The following CEP68 variants were observed in gnomAD, a reference collection of about 807,000 sequenced individuals.
CEP68 encodes centrosomal protein of 68 kDa.
In CEP68, 26 loss-of-function variants were observed where a neutral mutation model predicts 55.3. The ratio of observed to expected loss-of-function variants is 0.47; its 90% confidence interval spans 0.34 to 0.65. The LOEUF is 0.65. Among genes scored for constraint, CEP68 ranks in the 30% least tolerant of loss-of-function variants. The pLI, the probability that CEP68 is intolerant of heterozygous loss-of-function variation, is 0.01. For synonymous variants in CEP68, 402 were observed against 383.2 expected (o/e 1.05, Z -0.57); for missense variants, 957 against 946.7 (o/e 1.01, Z -0.14).
chr2:65,072,370 T>C lies in CEP68; in HGVS notation c.1274T>C (p.Leu425Pro). 1.2e-6 allele frequency: 2 copies of C among 1,613,852 alleles called. No homozygotes were observed. Among genetic ancestry groups the C allele is most frequent in the African/African-American group, 1.3e-5 (1 of 75,024 alleles). Reference protein sequence around the residue: ...EPALRGAKDRLTIGKHLDMGS... With the variant: ...EPALRGAKDRPTIGKHLDMGS... ...GCCCTGAGGGGTGCGAAGGACCGGCTGACTATAGGCAAGCACCTTGATATG... is the reference window on the plus strand; with the variant it reads ...GCCCTGAGGGGTGCGAAGGACCGGCCGACTATAGGCAAGCACCTTGATATG... The change falls in exon 3 of 7, where the codon CTG (leucine) becomes CCG (proline). Residue 425 changes from leucine (L) to proline (P), a missense_variant. By Grantham distance (98) the Leu-to-Pro change is moderately conservative. Transcript: ENST00000377990.
chr2:65,081,088 G>A (rs918426474), intron 5 of CEP68, among the ~76,000 whole-genome samples: 8 of 152,024 alleles, frequency 5.3e-5, no homozygotes. Flanking sequence ...GTGGGCGCCA[G>A]TAATTCCAAC....
Position 65,071,718 on chromosome 2 carries a change from C to G in CEP68, c.622C>G (p.Gln208Glu). Residue 208 changes from glutamine (Q) to glutamate (E), a missense_variant, in exon 3 of 7, where the codon CAG (glutamine) becomes GAG (glutamate). Physicochemically the swap from Gln to Glu is conservative, Grantham distance 29. Coordinates refer to ENST00000377990, the MANE Select transcript of CEP68 (RefSeq NM_015147.3). ...ISASSTGSSL[Q>E]GHQERAEPRG... Reference sequence around the variant, plus strand: ...TGCTTCCTCCACAGGCAGCAGTCTCCAGGGTCACCAGGAGAGGGCGGAGCC... The same window carrying G: ...TGCTTCCTCCACAGGCAGCAGTCTCGAGGGTCACCAGGAGAGGGCGGAGCC... 1 of 1,614,106 alleles carries G rather than the reference C, an allele frequency of 6.2e-7. No homozygotes were observed. The highest frequency in any genetic ancestry group is 8.5e-7 in the Non-Finnish European group (1 of 1,180,040).
Position 65,072,440 on chromosome 2 carries a change from C to T in CEP68, c.1344C>T (p.Pro448=), listed in dbSNP as rs762840356. The change falls in exon 3 of 7, where the codon CCC becomes CCT. Residue 448 remains proline, a synonymous_variant. Coordinates refer to ENST00000377990, the MANE Select transcript of CEP68 (RefSeq NM_015147.3). ...LRTRDRGWPS[P]RPEREKRTSQ... ...CACGGGACAGAGGGTGGCCCTCGCC[C>T]AGGCCAGAGAGGGAGAAGAGGACCA... The T allele has an allele frequency of 5.0e-6, 8 of 1,613,956 alleles. No homozygotes were observed. The highest frequency in any genetic ancestry group is 1.7e-5 in the Admixed American group (1 of 60,006).
Position 65,074,296 on chromosome 2 carries a change from G to A in CEP68, c.1899G>A (p.Gln633=). 1 of 1,614,178 alleles carries A rather than the reference G, an allele frequency of 6.2e-7. No homozygotes were observed. The highest frequency in any genetic ancestry group is 8.5e-7 in the Non-Finnish European group (1 of 1,180,006). The change falls in exon 4 of 7, where the codon CAG becomes CAA. Residue 633 remains glutamine, a synonymous_variant. Transcript: ENST00000377990. The stretch of plus-strand genomic sequence containing the variant: ...TGTCTCTGCAGACATTTTGCTGTCA[G>A]CTGGAAGAGCTGATCTGCTGGCTGT... ...LVQCVKTFCC[Q]LEELICWLYN...
Position 65,077,910 on chromosome 2 carries a change from A to T in CEP68, c.2050A>T (p.Ser684Cys), listed in dbSNP as rs905815084. 4 of 1,613,910 alleles carry T rather than the reference A, an allele frequency of 2.5e-6. No homozygotes were observed. Among genetic ancestry groups the T allele is most frequent in the South Asian group, 1.1e-5 (1 of 91,078 alleles). Reference protein sequence around the residue: ...DIDEHQSLTESVLQKGEILLQ... With the variant: ...DIDEHQSLTECVLQKGEILLQ... ...AGATGAACATCAGTCTCTGACGGAG[A>T]GTGTCTTACAGAAGGGGGAGATTCT... Residue 684 changes from serine (S) to cysteine (C), a missense_variant, in exon 5 of 7, where the codon AGT becomes TGT. Ser to Cys is a moderately radical substitution (Grantham distance 112). Transcript: ENST00000377990.
At chr2:65,069,893 T>A in intron 2 of CEP68, 92 bp downstream of exon 2, 1 of 1,146,884 alleles carries the variant, frequency 8.7e-7, no homozygotes, top group Non-Finnish European at 1.3e-6. Flanking sequence ...CTTTCCTTGC[T>A]ACTGTGCAGG....
intron 2 of CEP68, 50 bp downstream of exon 2, chr2:65,069,851 G>C (rs763457802): frequency 6.7e-7 from 1 of 1,490,968 alleles, no homozygotes; most frequent in Non-Finnish European, 9.3e-7. Flanking sequence ...TCCTTTGGGA[G>C]TTTGTTCAGG....
rs1573055144 is a variant in CEP68 at position 65,084,242 on chromosome 2, CTT to C, written c.*610_*611del. 6.6e-6 allele frequency: 1 copy of C among 152,058 alleles called. No homozygotes were observed. Among genetic ancestry groups the C allele is most frequent in the African/African-American group, 2.4e-5 (1 of 41,442 alleles). 9.4% of individuals were successfully genotyped at this position (152,058 alleles called of 1,614,324 possible). A position where few individuals can be genotyped will look rare whatever the true frequency, so the allele number is the denominator to read the frequency against. Reference sequence around the variant, plus strand: ...CTTTTGCCATCTTCAGGGCTTACGTCTTTACTTTCTTGGCTAACCAGTTTCTT... The same window carrying C: ...CTTTTGCCATCTTCAGGGCTTACGTCTACTTTCTTGGCTAACCAGTTTCTT... On this transcript the variant is annotated 3_prime_UTR_variant, in exon 7 of 7. Coordinates refer to ENST00000377990, the MANE Select transcript of CEP68 (RefSeq NM_015147.3).
chr2:65,072,937 A>G lies in CEP68; in HGVS notation c.1841A>G (p.Lys614Arg). Residue 614 changes from lysine (K) to arginine (R), a missense_variant, in exon 3 of 7, where the codon AAA becomes AGA. Physicochemically the swap from Lys to Arg is conservative, Grantham distance 26. Transcript: ENST00000377990. ...GATGTTGAAGGGCAGCTTCCCAGGA[A>G]AGGAGGAGAACAGGGAAAAGAATCA... ...DPDVEGQLPRKGGEQGKESLV... is the reference protein window; with the variant it reads ...DPDVEGQLPRRGGEQGKESLV... The G allele has an allele frequency of 6.2e-7, 1 of 1,614,212 alleles. No individual in the cohort carries two copies.
Position 65,069,780 on chromosome 2 carries a change from T to A in CEP68, c.336T>A (p.Leu112=), listed in dbSNP as rs767875454. 6.2e-7 allele frequency: 1 copy of A among 1,613,880 alleles called. No homozygotes were observed. Among genetic ancestry groups the A allele is most frequent in the South Asian group, 1.1e-5 (1 of 91,092 alleles). Residue 112 remains leucine, a synonymous_variant, in exon 2 of 7, where the codon CTT becomes CTA. Transcript: ENST00000377990. ...LPPATMGSGD[L]LLSGESQVEK... ...CTGCCACCATGGGGTCTGGAGACCTTCTGCTCTCCGGGGAAAGCCAGGTAG... is the reference window on the plus strand; with the variant it reads ...CTGCCACCATGGGGTCTGGAGACCTACTGCTCTCCGGGGAAAGCCAGGTAG...
Position 65,069,762 on chromosome 2 carries a change from C to A in CEP68, c.318C>A (p.Thr106=), listed in dbSNP as rs1399449429. 3.1e-6 allele frequency: 5 copies of A among 1,613,980 alleles called. No homozygotes were observed. The Admixed American group carries it at 8.3e-5, about 27-fold the overall frequency. ...CACTCAGTGGCCTGCCTCCTGCCAC[C>A]ATGGGGTCTGGAGACCTTCTGCTCT... ...EPALSGLPPA[T]MGSGDLLLSG... is the part of the protein sequence containing the mutation. The change falls in exon 2 of 7, where the codon ACC becomes ACA. Residue 106 remains threonine, a synonymous_variant. Coordinates refer to ENST00000377990, the MANE Select transcript of CEP68 (RefSeq NM_015147.3).
Position 65,072,555 on chromosome 2 carries a change from G to C in CEP68, c.1459G>C (p.Ala487Pro), listed in dbSNP as rs571191573. Residue 487 changes from alanine to proline, a missense_variant, in exon 3 of 7, where the codon GCT (alanine) becomes CCT (proline). By Grantham distance (27) the Ala-to-Pro change is conservative. Transcript: ENST00000377990. ...TGATGACGAGTATCTTGCCCTCCCC[G>C]CTCGGCTGACACAGGTTTCTAGCCT... ...ESDDEYLALP[A>P]RLTQVSSLVS... The C allele has an allele frequency of 2.5e-6, 4 of 1,614,042 alleles. No homozygotes were observed. Among genetic ancestry groups the C allele is most frequent in the Non-Finnish European group, 3.4e-6 (4 of 1,180,014 alleles).
chr2:65,080,513 C>T (rs911388029), intron 5 of CEP68: 12 of 985,278 alleles, frequency 1.2e-5, no homozygotes, highest in Non-Finnish European at 1.4e-5. Context: ...AACATTCTGA[C>T]AGTCTAAATA....
intron 1 of CEP68, among the ~76,000 whole-genome samples, chr2:65,065,324 T>G (rs1177736031): frequency 6.6e-6 from 1 of 152,224 alleles, no homozygotes; most frequent in Non-Finnish European, 1.5e-5. Context: ...CAAAAAAGAC[T>G]AGAAATAACC....
rs1172819716 is a variant in CEP68 at position 65,071,223 on chromosome 2, C to T, written c.358-231C>T. 10 of 561,770 alleles carry T rather than the reference C, an allele frequency of 1.8e-5. No individual in the cohort carries two copies. In the Admixed American group the frequency reaches 3.2e-4, roughly 18 times the overall value. The allele number at this position is 561,770 out of a possible 1,614,324, so 34.8% of individuals were successfully genotyped here. On this transcript the variant is annotated intron_variant, in intron 2 of 6. Transcript: ENST00000377990. ...TGGATACCTGTGGAGGAAGGAAGAA[C>T]CTTGGAGAGGACTGGAGATGGGAGT... is the stretch of plus-strand genomic sequence containing the variant.
At chr2:65,070,586 AACAGAGGCTGGGCCCCACCT>A (rs1676414979) in intron 2 of CEP68, 2 of 152,018 alleles carry the variant, frequency 1.3e-5, no homozygotes, top group East Asian at 3.9e-4. Flanking sequence ...ACTGGGAGAG[AACAGAGGCTGGGCCCCACCT>A]GCCTGGGAGC....
In CEP68 at chr2:65,072,129, A is replaced by G. The variant is rs759594956; in HGVS notation, c.1033A>G (p.Ser345Gly). The change falls in exon 3 of 7, where the codon AGC becomes GGC. Residue 345 changes from serine (S) to glycine (G), a missense_variant. By Grantham distance (56) the Ser-to-Gly change is moderately conservative (BLOSUM62 0). Transcript: ENST00000377990. ...DLDSFSVSPASTLKSPTNVSP... is the reference protein window; with the variant it reads ...DLDSFSVSPAGTLKSPTNVSP... ...GGATAGCTTCTCTGTCTCTCCAGCA[A>G]GCACCCTCAAATCACCTACTAATGT... is the stretch of plus-strand genomic sequence containing the variant. 1.3e-5 allele frequency: 21 copies of G among 1,614,030 alleles called. No individual in the cohort carries two copies. The highest frequency in any genetic ancestry group is 4.5e-5 in the East Asian group (2 of 44,866).
At chr2:65,074,462 G>T (rs756603935) in intron 4 of CEP68, 58 bp downstream of exon 4, 2 of 1,611,788 alleles carry the variant, frequency 1.2e-6, no homozygotes, top group Non-Finnish European at 1.7e-6. Flanking sequence ...TAAATTACTC[G>T]ATTACAAAGT....
chr2:65,072,869 C>T lies in CEP68; in HGVS notation c.1773C>T (p.Pro591=), dbSNP rs781321594. ...CCTCTGGACTGCTGAAAACACGCCC[C>T]TCCTTGCCAGCTAGGTTGGACCGGT... is the stretch of plus-strand genomic sequence containing the variant. ...GVSSGLLKTR[P]SLPARLDRWP... Residue 591 remains proline (P), a synonymous_variant, in exon 3 of 7, where the codon CCC becomes CCT. Transcript: ENST00000377990. 1.2e-6 allele frequency: 2 copies of T among 1,614,226 alleles called. No homozygotes were observed. The highest frequency in any genetic ancestry group is 1.7e-6 in the Non-Finnish European group (2 of 1,180,044).
Sources: allele counts gnomAD v4.1 joint callset (sites outside exome capture counted in the v4.1 genomes callset), GRCh38; gene constraint gnomAD v4.1.1; transcripts MANE v1.5; gene names NCBI Gene and HGNC (gene_info 2026-07-23, HGNC 2026-07-21).